The following RIT2 variants were observed in gnomAD, a reference collection of about 807,000 sequenced individuals.
The protein encoded by RIT2 is GTP-binding protein Rit2.
RIT2 carries 24 observed loss-of-function variants against 23.7 expected under a neutral mutation model. The ratio of observed to expected loss-of-function variants is 1.01; its 90% confidence interval spans 0.73 to 1.43. The LOEUF is 1.43. RIT2 is among the 40% of genes most tolerant of loss of function. The pLI is 0.00. For synonymous variants in RIT2, 107 were observed against 91.1 expected (o/e 1.17, Z -0.99); for missense variants, 236 against 266.9 (o/e 0.88, Z 0.81).
At chr18:42,812,526 C>T (rs1331970815) in intron 4 of RIT2, among the ~76,000 whole-genome samples, 1 of 152,158 alleles carries the variant, frequency 6.6e-6, no homozygotes, top group East Asian at 1.9e-4. Flanking sequence ...TACTGTACCT[C>T]TCTTACATGG....
intron 3 of RIT2, among the ~76,000 whole-genome samples, chr18:42,951,802 T>C (rs531347901): frequency 2.0e-5 from 3 of 152,234 alleles, no homozygotes; most frequent in African/African-American, 7.2e-5. Flanking sequence ...ATGTGGTTTA[T>C]ATACATACAC....
chr18:42,755,369 A>C (rs1466697070), intron 4 of RIT2, among the ~76,000 whole-genome samples: 1 of 152,022 alleles, frequency 6.6e-6, no homozygotes, highest in Non-Finnish European at 1.5e-5. Flanking sequence ...AAGTATTTGC[A>C]GTTGTTGTTT....
At chr18:42,930,832 G>A (rs1418054133) in intron 3 of RIT2, among the ~76,000 whole-genome samples, 1 of 152,038 alleles carries the variant, frequency 6.6e-6, no homozygotes, top group African/African-American at 2.4e-5. Flanking sequence ...TTGGAAATAG[G>A]GTACAAATCA....
At chr18:42,849,634 AG>A (rs1171114711) in intron 4 of RIT2, among the ~76,000 whole-genome samples, 1 of 152,240 alleles carries the variant, frequency 6.6e-6, no homozygotes. Context: ...TTCAAGTTTG[AG>A]AGTGGACTTC....
intron 4 of RIT2, among the ~76,000 whole-genome samples, chr18:42,825,688 T>C (rs776079513): frequency 4.1e-5 from 6 of 144,872 alleles, no homozygotes; most frequent in Non-Finnish European, 7.4e-5. Flanking sequence ...CCTGGTACTG[T>C]TTTATGTGTT....
chr18:42,941,961 T>C lies in RIT2; in HGVS notation c.235-18198A>G, dbSNP rs149479313. 1.8e-3 allele frequency among the ~76,000 whole-genome samples: 277 copies of C among 152,254 alleles called. 1 individual carries two copies. Among genetic ancestry groups the C allele is most frequent in the Middle Eastern group, 0.017 (5 of 294 alleles). On this transcript the variant is annotated intron_variant, in intron 3 of 4. Transcript: ENST00000326695. ...AACTGGGATTACTGTGATAGGTAAA[T>C]TTGTTTAATCTCTGTCATTTCCATT...
chr18:42,920,714 A>C, intron 4 of RIT2: 1 of 1,595,542 alleles, frequency 6.3e-7, no homozygotes, highest in Non-Finnish European at 8.5e-7. Context: ...GAAAAGAAGC[A>C]GCTTCAACCA....
At chr18:43,072,536 TA>T (rs935694374) in intron 1 of RIT2, among the ~76,000 whole-genome samples, 1 of 152,208 alleles carries the variant, frequency 6.6e-6, no homozygotes, top group Non-Finnish European at 1.5e-5. Context: ...ATTACACCTG[TA>T]ATGTTTCAGT....
chr18:42,894,326 C>T (rs999947160), intron 4 of RIT2, among the ~76,000 whole-genome samples: 39 of 152,130 alleles, frequency 2.6e-4, no homozygotes, highest in African/African-American at 8.9e-4. Flanking sequence ...AAAACTGAAT[C>T]CAATAATCAG....
At chr18:42,995,480 G>A (rs984574045) in intron 2 of RIT2, among the ~76,000 whole-genome samples, 1 of 152,112 alleles carries the variant, frequency 6.6e-6, no homozygotes, top group Non-Finnish European at 1.5e-5. Flanking sequence ...ATAATTCCTT[G>A]GTTTGGCCTT....
chr18:43,035,751 A>C (rs569343874), intron 1 of RIT2, among the ~76,000 whole-genome samples: 1 of 152,076 alleles, frequency 6.6e-6, no homozygotes, highest in Non-Finnish European at 1.5e-5. Context: ...TTTCTTAGTA[A>C]TTTTTCCATC....
chr18:43,076,125 A>G (rs1421030691), intron 1 of RIT2, among the ~76,000 whole-genome samples: 1 of 152,226 alleles, frequency 6.6e-6, no homozygotes, highest in African/African-American at 2.4e-5. Flanking sequence ...TCAGCTTTAT[A>G]CTGTGGTACT....
chr18:42,984,637 G>C (rs555783628), intron 2 of RIT2, among the ~76,000 whole-genome samples: 1 of 151,950 alleles, frequency 6.6e-6, no homozygotes, highest in East Asian at 1.9e-4. Context: ...GAAACAATCT[G>C]TATTATTTCT....
At chr18:43,063,407 A>G (rs1018969165) in intron 1 of RIT2, among the ~76,000 whole-genome samples, 1 of 152,158 alleles carries the variant, frequency 6.6e-6, no homozygotes, top group African/African-American at 2.4e-5. Context: ...TTTCTGGTTT[A>G]TATGCAGGAA....
At chr18:43,065,081 G>C (rs544081004) in intron 1 of RIT2, among the ~76,000 whole-genome samples, 60 of 152,134 alleles carry the variant, frequency 3.9e-4, no homozygotes, top group African/African-American at 1.4e-3. Context: ...GCTTCCCAAA[G>C]TGCTGGGATT....
intron 2 of RIT2, among the ~76,000 whole-genome samples, chr18:43,009,468 C>A (rs534546441): frequency 6.6e-6 from 1 of 151,628 alleles, no homozygotes; most frequent in Admixed American, 6.6e-5. Context: ...AAAAGGCTTC[C>A]TCTTTCAATA....
intron 1 of RIT2, among the ~76,000 whole-genome samples, chr18:43,104,470 A>T (rs929183674): frequency 7.2e-5 from 11 of 152,310 alleles, no homozygotes; most frequent in African/African-American, 1.4e-4. Context: ...GAGGTGATAG[A>T]TATCCTAATT....
At position 42,938,970 on chromosome 18, in the gene RIT2, T is replaced by C. The variant is rs1361997732; in HGVS notation, c.235-15207A>G. On this transcript the variant is annotated intron_variant, in intron 3 of 4. Transcript: ENST00000326695. ...TATGTTACCCAAGCTGGTCTCAAAC[T>C]CTTGGGCTCAAGCAATACTCCTGCC... is the stretch of plus-strand genomic sequence containing the variant. 1.3e-5 allele frequency among the ~76,000 whole-genome samples: 2 copies of C among 152,118 alleles called. 1 individual carries two copies.
chr18:43,006,832 T>C (rs534459604), intron 2 of RIT2, among the ~76,000 whole-genome samples: 2 of 151,482 alleles, frequency 1.3e-5, no homozygotes, highest in Admixed American at 1.3e-4. Flanking sequence ...AAGAGAAGAA[T>C]TTAAAATTAC....
Sources: allele counts gnomAD v4.1 joint callset (sites outside exome capture counted in the v4.1 genomes callset), GRCh38; gene constraint gnomAD v4.1.1; transcripts MANE v1.5; gene names NCBI Gene and HGNC (gene_info 2026-07-23, HGNC 2026-07-21).